The following TRIO variants were observed in gnomAD, a reference collection of about 807,000 sequenced individuals.
The protein encoded by TRIO is trio Rho guanine nucleotide exchange factor, also known as triple functional domain protein.
TRIO carries 58 observed loss-of-function variants against 351.9 expected under a neutral mutation model. That is an observed-to-expected ratio of 0.16 (90% CI 0.13 to 0.21). The LOEUF is 0.21. Ranked by LOEUF, TRIO falls within the 10% of genes least tolerant of loss-of-function variation. The pLI, the probability that TRIO is intolerant of heterozygous loss-of-function variation, is 1.00. For synonymous variants in TRIO, 1,758 were observed against 1,595.7 expected (o/e 1.10, Z -2.42); for missense variants, 3,201 against 4,027.8 (o/e 0.79, Z 5.56).
Position 14,326,577 on chromosome 5 carries a change from C to T in TRIO, c.1732-4201C>T, listed in dbSNP as rs114727395. ...CTCTTCTGCCTCTGTGCAGAGTAGC[C>T]GTGGGAAGGGATCAGCTTTTGTGTT... On this transcript the variant is annotated intron_variant, in intron 9 of 56. Transcript: ENST00000344204. Among the ~76,000 whole-genome samples, 848 of 152,212 alleles carry T rather than the reference C, an allele frequency of 5.6e-3. 8 individuals are homozygous for T. The highest frequency in any genetic ancestry group is 0.018 in the African/African-American group (758 of 41,516).
intron 9 of TRIO, among the ~76,000 whole-genome samples, chr5:14,326,109 C>T (rs1396096844): frequency 6.6e-6 from 1 of 152,196 alleles, no homozygotes; most frequent in Non-Finnish European, 1.5e-5. Context: ...CCCATAAAGT[C>T]ACAGAGGGCC....
intron 1 of TRIO, among the ~76,000 whole-genome samples, chr5:14,182,834 A>G (rs1468926892): frequency 6.7e-6 from 1 of 149,626 alleles, no homozygotes; most frequent in African/African-American, 2.5e-5. Flanking sequence ...GAGATTTCCT[A>G]AGGAAAATTG....
chr5:14,496,312 T>C (rs1756891542), intron 49 of TRIO, among the ~76,000 whole-genome samples: 1 of 152,180 alleles, frequency 6.6e-6, no homozygotes, highest in Non-Finnish European at 1.5e-5. Flanking sequence ...GGATTTATGA[T>C]GAGAAATTGC....
chr5:14,291,021 G>A lies in TRIO; in HGVS notation c.846G>A (p.Leu282=). ...IEDLDLEGQK[L]LQRIQSSESF... Reference sequence around the variant, plus strand: ...ACCTGGATTTGGAGGGACAGAAGCTGCTTCAGAGGATACAGAGCAGTGAAA... The same window carrying A: ...ACCTGGATTTGGAGGGACAGAAGCTACTTCAGAGGATACAGAGCAGTGAAA... Residue 282 remains leucine, a synonymous_variant, in exon 5 of 57, where the codon CTG becomes CTA. Coordinates refer to ENST00000344204, the MANE Select transcript of TRIO (RefSeq NM_007118.4). 6.2e-7 allele frequency: 1 copy of A among 1,614,232 alleles called. No homozygotes were observed. The highest frequency in any genetic ancestry group is 8.5e-7 in the Non-Finnish European group (1 of 1,180,034).
In TRIO at chr5:14,300,202, G is replaced by A. The variant is rs559967567; in HGVS notation, c.1368+2939G>A. Reference sequence around the variant, plus strand: ...CAGGACAGACCCTTTATATTAAGACGCTTTCACAGCAGATACCATTAGAAT... The same window carrying A: ...CAGGACAGACCCTTTATATTAAGACACTTTCACAGCAGATACCATTAGAAT... On this transcript the variant is annotated intron_variant, in intron 7 of 56. Coordinates refer to ENST00000344204, the MANE Select transcript of TRIO (RefSeq NM_007118.4). 4.5e-4 allele frequency among the ~76,000 whole-genome samples: 69 copies of A among 152,282 alleles called. 1 individual carries two copies. Among genetic ancestry groups the A allele is most frequent in the Admixed American group, 4.4e-3 (67 of 15,294 alleles).
At chr5:14,382,699 A>G (rs1317689324) in intron 21 of TRIO, among the ~76,000 whole-genome samples, 2 of 152,150 alleles carry the variant, frequency 1.3e-5, no homozygotes, top group Non-Finnish European at 2.9e-5. Flanking sequence ...TAATATTTAG[A>G]TATTACATAA....
intron 1 of TRIO, among the ~76,000 whole-genome samples, chr5:14,170,727 A>G (rs1789050075): frequency 6.6e-6 from 1 of 152,050 alleles, no homozygotes; most frequent in Admixed American, 6.6e-5. Flanking sequence ...CGTGGTCTGG[A>G]ACTCCTGACT....
At chr5:14,210,439 G>A (rs969861572) in intron 1 of TRIO, among the ~76,000 whole-genome samples, 11 of 152,178 alleles carry the variant, frequency 7.2e-5, no homozygotes, top group African/African-American at 1.4e-4. Context: ...TGTGGCCTGC[G>A]TTTAGCTTCT....
At chr5:14,453,011 ACT>A (rs1188980921) in intron 34 of TRIO, among the ~76,000 whole-genome samples, 2 of 150,996 alleles carry the variant, frequency 1.3e-5, no homozygotes, top group Non-Finnish European at 1.5e-5. Context: ...ACATGGTGAA[ACT>A]CTCTCCTGCG....
chr5:14,378,157 C>A (rs557836178), intron 20 of TRIO, 30 bp downstream of exon 20: 9 of 1,537,158 alleles, frequency 5.9e-6, no homozygotes, highest in African/African-American at 1.4e-5. Flanking sequence ...CCAGCCTCCC[C>A]CTAAACTCCC....
intron 40 of TRIO, 148 bp downstream of exon 40, chr5:14,474,245 A>T (rs765980244): frequency 3.1e-6 from 2 of 649,562 alleles, no homozygotes; most frequent in Admixed American, 2.6e-5. Context: ...ATATTGATGT[A>T]CCCAGGAGTT....
chr5:14,192,152 C>G (rs1292537629), intron 1 of TRIO, among the ~76,000 whole-genome samples: 1 of 152,154 alleles, frequency 6.6e-6, no homozygotes, highest in Non-Finnish European at 1.5e-5. Flanking sequence ...TATACATTAT[C>G]TCATTCCAGT....
At chr5:14,271,942 T>C (rs1795999096) in intron 2 of TRIO, among the ~76,000 whole-genome samples, 1 of 152,228 alleles carries the variant, frequency 6.6e-6, no homozygotes, top group Non-Finnish European at 1.5e-5. Flanking sequence ...GTTAATATGG[T>C]TTGATTTTGT....
At chr5:14,212,840 A>G (rs151203409) in intron 1 of TRIO, among the ~76,000 whole-genome samples, 69 of 152,284 alleles carry the variant, frequency 4.5e-4, no homozygotes, top group African/African-American at 1.6e-3. Context: ...CTCATGACTT[A>G]TATTTGTATA....
Position 14,461,233 on chromosome 5 carries a change from C to A in TRIO, c.5418C>A (p.Val1806=). The A allele has an allele frequency of 6.3e-7, 1 of 1,585,592 alleles. No homozygotes were observed. The highest frequency in any genetic ancestry group is 8.6e-7 in the Non-Finnish European group (1 of 1,167,146). Residue 1806 remains valine, a synonymous_variant, in exon 35 of 57, where the codon GTC becomes GTA. Transcript: ENST00000344204. ...LAHKHKKSRE[V]RKSADAGSQK... The stretch of plus-strand genomic sequence containing the variant: ...ACAAGCACAAGAAGAGCCGCGAGGT[C>A]CGCAAGAGCGCCGACGCCGGCTCGC...
chr5:14,445,274 A>G (rs1025786553), intron 34 of TRIO, among the ~76,000 whole-genome samples: 3 of 152,284 alleles, frequency 2.0e-5, no homozygotes, highest in South Asian at 4.1e-4. Context: ...AGATGCTCCT[A>G]TTAATTTTTT....
chr5:14,411,264 TC>T (rs981868604), intron 33 of TRIO, among the ~76,000 whole-genome samples: 2 of 152,230 alleles, frequency 1.3e-5, no homozygotes, highest in African/African-American at 4.8e-5. Flanking sequence ...AAAAATTTTT[TC>T]CCTGTCTCTT....
intron 1 of TRIO, among the ~76,000 whole-genome samples, chr5:14,161,131 A>C (rs1242248041): frequency 3.3e-5 from 5 of 151,220 alleles, no homozygotes; most frequent in African/African-American, 7.3e-5. Flanking sequence ...CTGGTCTTGA[A>C]CTCCTGACCT....
At chr5:14,436,649 ATT>A (rs1751612566) in intron 34 of TRIO, among the ~76,000 whole-genome samples, 2 of 152,220 alleles carry the variant, frequency 1.3e-5, no homozygotes, top group African/African-American at 4.8e-5. Context: ...GGGTATAGAT[ATT>A]GGGTAAATAC....
Sources: allele counts gnomAD v4.1 joint callset (sites outside exome capture counted in the v4.1 genomes callset), GRCh38; gene constraint gnomAD v4.1.1; transcripts MANE v1.5; gene names NCBI Gene and HGNC (gene_info 2026-07-23, HGNC 2026-07-21).